The following ROBO2 variants were observed in gnomAD, a reference collection of about 807,000 sequenced individuals.
The protein encoded by ROBO2 is roundabout homolog 2.
A neutral mutation model predicts 160.8 loss-of-function variants in ROBO2; 53 were observed. The observed-to-expected ratio is 0.33, with a 90% CI of 0.26 to 0.41. The LOEUF (loss-of-function observed/expected upper bound fraction) is 0.41. ROBO2 is among the 10% of genes least tolerant of loss of function. The pLI, the probability that ROBO2 is intolerant of heterozygous loss-of-function variation, is 1.00. For synonymous variants in ROBO2, 664 were observed against 611.7 expected (o/e 1.09, Z -1.26); for missense variants, 1,577 against 1,722.4 (o/e 0.92, Z 1.49).
At position 76,032,320 on chromosome 3, in the gene ROBO2, T is replaced by C. The variant is rs561887603; in HGVS notation, c.109+94718T>C. On this transcript the variant is annotated intron_variant, in intron 2 of 26. Coordinates refer to the ROBO2 transcript ENST00000487694. ...TCAAAAAAACCAGCGCTTGGATTCA[T>C]TGATTTTTTGAGGGGTTTTTTGTGT... 3.3e-3 allele frequency among the ~76,000 whole-genome samples: 501 copies of C among 152,282 alleles called. 3 individuals carry two copies. Among genetic ancestry groups the C allele is most frequent in the African/African-American group, 0.011 (478 of 41,572 alleles).
intron 2 of ROBO2, among the ~76,000 whole-genome samples, chr3:77,338,516 T>C (rs2066729307): frequency 6.6e-6 from 1 of 152,196 alleles, no homozygotes; most frequent in Non-Finnish European, 1.5e-5. Flanking sequence ...ATGTGGTTGA[T>C]GCAGAGCAAC....
intron 2 of ROBO2, among the ~76,000 whole-genome samples, chr3:76,535,559 A>G (rs977595919): frequency 4.6e-5 from 7 of 152,078 alleles, no homozygotes; most frequent in Admixed American, 2.6e-4. Context: ...AAGGACAGCA[A>G]TGAGGTGTGG....
At chr3:76,403,018 A>T (rs555000824) in intron 2 of ROBO2, among the ~76,000 whole-genome samples, 1 of 151,730 alleles carries the variant, frequency 6.6e-6, no homozygotes, top group African/African-American at 2.4e-5. Flanking sequence ...TGACAGAAAG[A>T]CTGGGGCCAA....
rs975992498 is a variant in ROBO2, at chr3:76,144,293, T to C, written c.109+206691T>C. Among the ~76,000 whole-genome samples the C allele has an allele frequency of 3.3e-5, 5 of 152,092 alleles. No homozygotes were observed. In the South Asian group the frequency reaches 8.3e-4, roughly 25 times the overall value. ...AGTAGAGGGAGGAATGTGATAAAGA[T>C]CTTGAGAAAAAAATGATAGGCCTCG... On this transcript the variant is annotated intron_variant, in intron 2 of 26. Coordinates refer to the ROBO2 transcript ENST00000487694.
chr3:76,747,392 A>C (rs2093911631), intron 2 of ROBO2, among the ~76,000 whole-genome samples: 1 of 152,104 alleles, frequency 6.6e-6, no homozygotes, highest in African/African-American at 2.4e-5. Context: ...CTTTCATAGA[A>C]TTTTAACTGT....
intron 1 of ROBO2, among the ~76,000 whole-genome samples, chr3:77,058,674 C>T (rs1174919247): frequency 6.6e-6 from 1 of 151,820 alleles, no homozygotes; most frequent in African/African-American, 2.4e-5. Context: ...GGATTATAGG[C>T]CTGCACCACC....
At chr3:76,162,408 C>T (rs1475128864) in intron 2 of ROBO2, among the ~76,000 whole-genome samples, 1 of 152,100 alleles carries the variant, frequency 6.6e-6, no homozygotes, top group South Asian at 2.1e-4. Flanking sequence ...CTCCTGGGCT[C>T]AAGTGATCCT....
chr3:76,108,491 T>C (rs1267167813), intron 2 of ROBO2, among the ~76,000 whole-genome samples: 1 of 151,988 alleles, frequency 6.6e-6, no homozygotes, highest in East Asian at 1.9e-4. Flanking sequence ...TTTATTTAGG[T>C]CCTAGAATTT....
intron 2 of ROBO2, among the ~76,000 whole-genome samples, chr3:76,017,501 A>G (rs1026159184): frequency 7.9e-5 from 12 of 152,182 alleles, no homozygotes; most frequent in African/African-American, 2.9e-4. Context: ...TGTTATAGTT[A>G]TAAACTTAGC....
chr3:77,028,066 TC>T (rs2063085392), intron 2 of ROBO2, among the ~76,000 whole-genome samples: 1 of 152,056 alleles, frequency 6.6e-6, no homozygotes, highest in African/African-American at 2.4e-5. Flanking sequence ...AGCTTGTTTT[TC>T]TTTCATTCTG....
chr3:76,734,961 A>G (rs183026670), intron 2 of ROBO2, among the ~76,000 whole-genome samples: 4 of 152,362 alleles, frequency 2.6e-5, no homozygotes, highest in Admixed American at 2.6e-4. Context: ...ATTCCTCGCT[A>G]GAATGCTTAT....
chr3:77,242,001 A>G (rs1234468255), intron 2 of ROBO2, among the ~76,000 whole-genome samples: 1 of 152,184 alleles, frequency 6.6e-6, no homozygotes, highest in Non-Finnish European at 1.5e-5. Flanking sequence ...CTTTGTAGAC[A>G]TTTTGCTAAT....
chr3:75,926,159 A>G (rs903335814), intron 1 of ROBO2, among the ~76,000 whole-genome samples: 3 of 152,184 alleles, frequency 2.0e-5, no homozygotes, highest in African/African-American at 7.2e-5. Flanking sequence ...CAAGGAATCA[A>G]ATTTCCTTTT....
intron 2 of ROBO2, among the ~76,000 whole-genome samples, chr3:76,746,452 A>C (rs548789081): frequency 6.6e-6 from 1 of 152,178 alleles, no homozygotes; most frequent in Non-Finnish European, 1.5e-5. Context: ...TCCCACCAAC[A>C]GTGTAAAAGT....
intron 2 of ROBO2, among the ~76,000 whole-genome samples, chr3:76,735,580 G>A (rs2093695150): frequency 6.6e-6 from 1 of 151,618 alleles, no homozygotes; most frequent in African/African-American, 2.4e-5. Flanking sequence ...TGGGCAATAC[G>A]GTGAAACCCC....
intron 2 of ROBO2, among the ~76,000 whole-genome samples, chr3:76,124,531 A>G (rs571558399): frequency 3.3e-4 from 51 of 152,264 alleles, no homozygotes; most frequent in Non-Finnish European, 6.3e-4. Context: ...CATAATATCA[A>G]TGAGGCACCA....
chr3:77,449,980 T>G (rs555245600), intron 2 of ROBO2, among the ~76,000 whole-genome samples: 9 of 152,068 alleles, frequency 5.9e-5, no homozygotes, highest in Admixed American at 2.6e-4. Context: ...AATAAAATAA[T>G]TTTCCATTTC....
intron 2 of ROBO2, among the ~76,000 whole-genome samples, chr3:76,720,712 T>C (rs1262626568): frequency 1.3e-5 from 2 of 152,228 alleles, no homozygotes. Flanking sequence ...AGAATGAGGC[T>C]AAAAATAATT....
At chr3:76,745,155 T>G (rs1184614330) in intron 2 of ROBO2, among the ~76,000 whole-genome samples, 2 of 152,186 alleles carry the variant, frequency 1.3e-5, no homozygotes, top group Non-Finnish European at 2.9e-5. Flanking sequence ...ATTAACAAGT[T>G]AAAGTGGCAT....
Sources: allele counts gnomAD v4.1 joint callset (sites outside exome capture counted in the v4.1 genomes callset), GRCh38; gene constraint gnomAD v4.1.1; transcripts MANE v1.5; gene names NCBI Gene and HGNC (gene_info 2026-07-23, HGNC 2026-07-21).